FGF13: variants seen among roughly 807,000 people sequenced by gnomAD.
FGF13 encodes fibroblast growth factor 13, also known as fibroblast growth factor homologous factor 2.
FGF13 carries 2 observed loss-of-function variants against 19.5 expected under a neutral mutation model. The observed-to-expected ratio is 0.10, with a 90% CI of 0.04 to 0.32. The LOEUF is 0.32. FGF13 is among the 10% of genes least tolerant of loss of function. The pLI is 1.00. For missense variants in FGF13, 113 were observed against 192.7 expected, an observed-to-expected ratio of 0.59 and a Z score of 2.45; for synonymous variants, 72 against 76.9, an observed-to-expected ratio of 0.94 and a Z score of 0.33.
At chrX:138,873,474 C>G (rs1361363478) in intron 1 of FGF13, among the ~76,000 whole-genome samples, 1 of 111,844 alleles carries the variant, frequency 8.9e-6, no homozygotes, top group Non-Finnish European at 1.9e-5. Context: ...GTAGGTCATA[C>G]ATGGGAACAG....
At chrX:139,029,311 C>T (rs1362314078) in intron 1 of FGF13, among the ~76,000 whole-genome samples, 3 of 111,526 alleles carry the variant, frequency 2.7e-5, no homozygotes, top group East Asian at 2.9e-4. Flanking sequence ...GTGAGAAAAC[C>T]GTCCTTATTA....
intron 1 of FGF13, among the ~76,000 whole-genome samples, chrX:139,172,548 G>A (rs1439052087): frequency 9.0e-6 from 1 of 111,632 alleles, no homozygotes; most frequent in African/African-American, 3.3e-5. Context: ...GGATTCCGAG[G>A]TTCTGGTCAA....
intron 2 of FGF13, among the ~76,000 whole-genome samples, chrX:138,857,894 G>C (rs1382143605): frequency 8.9e-6 from 1 of 112,081 alleles, no homozygotes; most frequent in Non-Finnish European, 1.9e-5. Flanking sequence ...ATATACCTCT[G>C]TTGCTAGTAC....
Position 138,776,004 on chromosome X carries a change from G to A in FGF13, c.218-67076C>T, listed in dbSNP as rs765204253. On this transcript the variant is annotated intron_variant, in intron 3 of 6. Coordinates refer to the FGF13 transcript ENST00000436198. ...TTCAAGAAAAGGAGGGCAGAAAGCT[G>A]CATACAACATAGCAAAATGTATGCT... Among the ~76,000 whole-genome samples the A allele has an allele frequency of 6.2e-5, 7 of 112,637 alleles. No individual in the cohort carries two copies. The East Asian group carries it at 1.1e-3, about 18-fold the overall frequency.
chrX:138,765,854 T>G (rs950548574), intron 3 of FGF13, among the ~76,000 whole-genome samples: 1 of 111,824 alleles, frequency 8.9e-6, no homozygotes, highest in Non-Finnish European at 1.9e-5. Flanking sequence ...CAAGTCTTAC[T>G]GGGCCTGTTT....
intron 1 of FGF13, among the ~76,000 whole-genome samples, chrX:138,976,250 G>C (rs558759732): frequency 2.4e-4 from 27 of 111,498 alleles, no homozygotes; most frequent in Middle Eastern, 4.6e-3. Flanking sequence ...CTATTTTAAA[G>C]AATATTTTTT....
chrX:138,660,075 A>AT (rs1180539191), intron 3 of FGF13, among the ~76,000 whole-genome samples: 16 of 111,367 alleles, frequency 1.4e-4, no homozygotes, highest in Admixed American at 7.7e-4. Flanking sequence ...AAAGTATAAT[A>AT]TTTTTTTTTA....
intron 3 of FGF13, among the ~76,000 whole-genome samples, chrX:138,811,266 T>C (rs2090922048): frequency 9.0e-6 from 1 of 111,107 alleles, no homozygotes; most frequent in African/African-American, 3.3e-5. Context: ...TATGCAGCCA[T>C]AAAAAAGGAT....
At chrX:138,769,339 T>G (rs148754247) in intron 3 of FGF13, among the ~76,000 whole-genome samples, 1,767 of 111,622 alleles carry the variant, frequency 0.016, 25 homozygotes, top group African/African-American at 0.054. Flanking sequence ...CCAGGTCCAC[T>G]TCCCTAATCT....
rs1321526013 is a variant in FGF13, at chrX:138,941,804, T to C, written c.-112-77154A>G. Among the ~76,000 whole-genome samples, 8 of 112,215 alleles carry C rather than the reference T, an allele frequency of 7.1e-5. No homozygotes were observed. The Admixed American group carries it at 7.5e-4, about 11-fold the overall frequency. ...TCTGAAAAAAAAGTAGCATTTCTGC[T>C]GATCTACAGGCACCTGATGCTCCCT... On this transcript the variant is annotated intron_variant, in intron 1 of 2. Coordinates refer to the FGF13 transcript ENST00000421460.
intron 3 of FGF13, among the ~76,000 whole-genome samples, chrX:138,799,915 C>T (rs887780323): frequency 3.6e-5 from 4 of 111,087 alleles, no homozygotes; most frequent in Admixed American, 1.9e-4. Context: ...CTTTTATTTG[C>T]TTTCCATTTG....
chrX:138,766,664 T>G (rs1317791145), intron 3 of FGF13, among the ~76,000 whole-genome samples: 1 of 111,947 alleles, frequency 8.9e-6, no homozygotes, highest in African/African-American at 3.3e-5. Flanking sequence ...AGGAGTCTAT[T>G]TTTCCCTAGC....
At chrX:138,674,268 T>TA (rs1304006266) in intron 3 of FGF13, among the ~76,000 whole-genome samples, 5 of 111,574 alleles carry the variant, frequency 4.5e-5, no homozygotes, top group African/African-American at 1.6e-4. Context: ...CCCCATATTA[T>TA]AGATGAGAGA....
chrX:138,787,315 A>G (rs1055193339), intron 3 of FGF13, among the ~76,000 whole-genome samples: 3 of 112,123 alleles, frequency 2.7e-5, no homozygotes, highest in African/African-American at 9.7e-5. Flanking sequence ...CAGACACTGG[A>G]TGTCTTAGTC....
Position 139,024,729 on chromosome X carries a change from G to T in FGF13, c.-112-160079C>A, listed in dbSNP as rs512877. On this transcript the variant is annotated intron_variant, in intron 1 of 2. Coordinates refer to the FGF13 transcript ENST00000421460. ...CTCTGATGACACTGCTTTCCCTGAAGGGATTTCAAGTGAAGACTGCTTAGT... is the reference window on the plus strand; with the variant it reads ...CTCTGATGACACTGCTTTCCCTGAATGGATTTCAAGTGAAGACTGCTTAGT... Among the ~76,000 whole-genome samples the T allele has an allele frequency of 9.0e-5, 10 of 111,401 alleles. No homozygotes were observed. In the East Asian group the frequency reaches 2.9e-3, roughly 32 times the overall value.
At chrX:138,784,947 T>C (rs757564222) in intron 3 of FGF13, among the ~76,000 whole-genome samples, 19 of 112,318 alleles carry the variant, frequency 1.7e-4, no homozygotes, top group African/African-American at 1.3e-4. Flanking sequence ...GTTAACAAGT[T>C]TCACTTTAAA....
At chrX:138,842,478 G>C (rs1355884027) in intron 3 of FGF13, among the ~76,000 whole-genome samples, 1 of 110,972 alleles carries the variant, frequency 9.0e-6, no homozygotes, top group Admixed American at 9.7e-5. Context: ...GAAGAGTAAG[G>C]CGGAGTTTGA....
intron 1 of FGF13, among the ~76,000 whole-genome samples, chrX:139,060,171 T>C (rs369682115): frequency 5.8e-4 from 65 of 111,808 alleles, no homozygotes; most frequent in African/African-American, 2.0e-3. Context: ...AATTCCTTTA[T>C]GACAATGAGC....
intron 3 of FGF13, among the ~76,000 whole-genome samples, chrX:138,849,460 A>G (rs56153224): frequency 0.011 from 1,196 of 112,234 alleles, 9 homozygotes; most frequent in Non-Finnish European, 0.017. Flanking sequence ...ATTCTCTTCA[A>G]CCAGGCAAGT....
Sources: allele counts gnomAD v4.1 joint callset (sites outside exome capture counted in the v4.1 genomes callset), GRCh38; gene constraint gnomAD v4.1.1; transcripts MANE v1.5; gene names NCBI Gene and HGNC (gene_info 2026-07-23, HGNC 2026-07-21).